Variants in NLRP7 observed in about 807,000 individuals in gnomAD.
NLRP7 encodes the protein NLR family pyrin domain containing 7, also known as NACHT, LRR and PYD domains-containing protein 7.
In NLRP7, 72 loss-of-function variants were observed where a neutral mutation model predicts 85.5. The observed-to-expected ratio is 0.84, with a 90% CI of 0.70 to 1.02. The LOEUF is 1.02. Among genes scored for constraint, NLRP7 ranks in the 50% least tolerant of loss-of-function variants. The probability of loss-of-function intolerance (pLI) is 0.00; values close to 1 mark genes in which losing one functional copy is unlikely to be tolerated. For synonymous variants in NLRP7, 550 were observed against 505.2 expected, an observed-to-expected ratio of 1.09 and a Z score of -1.19; for missense variants, 1,243 against 1,219.5, an observed-to-expected ratio of 1.02 and a Z score of -0.29.
At chr19:54,926,205 G>GGGGTGTGTGTGTGTGT (rs375777486) in intron 9 of NLRP7, among the ~76,000 whole-genome samples, 4 of 143,642 alleles carry the variant, frequency 2.8e-5, no homozygotes, top group African/African-American at 7.5e-5. Context: ...AATGATTAGG[G>GGGGTGTGTGTGTGTGT]GTGTGTGTGT....
chr19:54,960,993 T>G (rs1424837454), intron 1 of NLRP7, among the ~76,000 whole-genome samples: 1 of 152,088 alleles, frequency 6.6e-6, no homozygotes, highest in East Asian at 1.9e-4. Flanking sequence ...TTTTTAAAAA[T>G]GCTAGAACTG....
chr19:54,926,057 C>T (rs775869), intron 9 of NLRP7, among the ~76,000 whole-genome samples: 9,049 of 141,242 alleles, frequency 0.064, 619 homozygotes, highest in African/African-American at 0.17. Context: ...AAAAAGACTC[C>T]GTCTCAAAAA....
upstream of NLRP7, among the ~76,000 whole-genome samples, chr19:54,951,077 T>C (rs542933121): frequency 1.7e-4 from 26 of 152,308 alleles, no homozygotes; most frequent in African/African-American, 5.0e-4. Flanking sequence ...CATTTAACCC[T>C]GAGTGGACAC....
Position 54,938,883 on chromosome 19 carries a change from C to G in NLRP7, c.1931+5G>C, listed in dbSNP as rs1045414911. 2.5e-6 allele frequency: 4 copies of G among 1,613,884 alleles called. No homozygotes were observed. Among genetic ancestry groups the G allele is most frequent in the Admixed American group, 3.3e-5 (2 of 60,000 alleles). On this transcript the variant is annotated splice_donor_5th_base_variant and intron_variant, in intron 4 of 9. Coordinates refer to ENST00000340844, the Ensembl canonical transcript of NLRP7. ...TGGAGCGTGGGATGGGAAAACAGTT[C>G]TTACCTTTCAAATTCAATGTCCAGT...
chr19:54,936,381 A>T, exon 6 of NLRP7: 1 of 1,614,044 alleles, frequency 6.2e-7, no homozygotes, highest in Middle Eastern at 1.6e-4. Context: ...CTTCCCAATG[A>T]AAGCAAGACA....
intron 8 of NLRP7, among the ~76,000 whole-genome samples, chr19:54,930,979 C>T (rs776827144): frequency 6.7e-6 from 1 of 150,190 alleles, no homozygotes; most frequent in Non-Finnish European, 1.5e-5. Flanking sequence ...GCTGAGATCG[C>T]GCCACTGCAC....
intron 5 of NLRP7, 151 bp from the exon 6 acceptor site, chr19:54,936,582 G>T: frequency 1.4e-6 from 1 of 721,686 alleles, no homozygotes; most frequent in East Asian, 2.6e-5. Context: ...AGCACTTTGG[G>T]AGGCTGAGGC....
At chr19:54,941,635 T>G in exon 2 of NLRP7, 1 of 1,614,074 alleles carries the variant, frequency 6.2e-7, no homozygotes. Flanking sequence ...TAAAAGGGAT[T>G]TGAAACTCTT....
At chr19:54,940,212 T>G (rs376383771) in exon 4 of NLRP7, 1 of 1,614,156 alleles carries the variant, frequency 6.2e-7, no homozygotes, top group African/African-American at 1.3e-5. Context: ...TATCTGAGCG[T>G]CGGGCTGAGG....
At chr19:54,936,875 A>G (rs2146203764) in intron 5 of NLRP7, among the ~76,000 whole-genome samples, 1 of 151,814 alleles carries the variant, frequency 6.6e-6, no homozygotes, top group Non-Finnish European at 1.5e-5. Context: ...AGACCGCACC[A>G]CTGCACTCCA....
upstream of NLRP7, among the ~76,000 whole-genome samples, chr19:54,951,572 AAAAAC>A (rs915856883): frequency 2.6e-5 from 4 of 152,010 alleles, no homozygotes; most frequent in Admixed American, 6.6e-5. Context: ...AAACAAAAAC[AAAAAC>A]AAAACAAAAA....
chr19:54,948,277 C>T (rs1602211480), upstream of NLRP7, among the ~76,000 whole-genome samples: 2 of 151,946 alleles, frequency 1.3e-5, no homozygotes, highest in East Asian at 1.9e-4. Flanking sequence ...CCCAGCTACT[C>T]GGGAGGCTGA....
At chr19:54,924,385 G>A (rs2068345856) in intron 9 of NLRP7, among the ~76,000 whole-genome samples, 1 of 152,236 alleles carries the variant, frequency 6.6e-6, no homozygotes, top group African/African-American at 2.4e-5. Flanking sequence ...CACTTTGGGA[G>A]GCCAAGGCAG....
At chr19:54,964,007 G>A (rs1351830332) in intron 1 of NLRP7, among the ~76,000 whole-genome samples, 1 of 147,104 alleles carries the variant, frequency 6.8e-6, no homozygotes, top group Admixed American at 6.9e-5. Context: ...AGCCTCCCAA[G>A]TAGCTGGGAT....
At chr19:54,936,194 T>C in intron 6 of NLRP7, 67 bp downstream of exon 6, 2 of 1,446,828 alleles carry the variant, frequency 1.4e-6, no homozygotes, top group South Asian at 1.2e-5. Flanking sequence ...CCCTTTTTCC[T>C]AGATCCCCCA....
intron 1 of NLRP7, chr19:54,965,056 G>T (rs2070296934): frequency 9.7e-6 from 1 of 102,758 alleles, no homozygotes; most frequent in Non-Finnish European, 2.0e-5. Flanking sequence ...GAACTCCAGG[G>T]TCTGGGCAGT....
chr19:54,946,734 GGTTTAA>G (rs1383565624), intron 1 of NLRP7, among the ~76,000 whole-genome samples: 1 of 151,968 alleles, frequency 6.6e-6, no homozygotes, highest in Non-Finnish European at 1.5e-5. Flanking sequence ...CCCCCTCCTA[GGTTTAA>G]GCTATTCTCC....
At position 54,956,596 on chromosome 19, in the gene NLRP7, A is replaced by T. The variant is rs1308232241; in HGVS notation, c.-76-9091T>A. Among the ~76,000 whole-genome samples the T allele has an allele frequency of 3.3e-5, 5 of 151,386 alleles. No homozygotes were observed. In the East Asian group the frequency reaches 1.0e-3, roughly 30 times the overall value. ...GTAATACCAGCTACTCGGGAGGCTG[A>T]GGCAGGAGAATCACTTGAACCCGGG... On this transcript the variant is annotated intron_variant, in intron 1 of 2. Coordinates refer to the NLRP7 transcript ENST00000587103.
chr19:54,938,302 G>A, intron 4 of NLRP7, 61 bp from the exon 5 acceptor site: 2 of 1,380,620 alleles, frequency 1.4e-6, no homozygotes, highest in Non-Finnish European at 2.1e-6. Context: ...ATGGGCATCT[G>A]CAAACCACAT....
Sources: allele counts gnomAD v4.1 joint callset (sites outside exome capture counted in the v4.1 genomes callset), GRCh38; gene constraint gnomAD v4.1.1; transcripts MANE v1.5; gene names NCBI Gene and HGNC (gene_info 2026-07-23, HGNC 2026-07-21).